The following PIKFYVE variants were observed in gnomAD, a reference collection of about 807,000 sequenced individuals.
PIKFYVE encodes the protein phosphoinositide kinase, FYVE-type zinc finger containing.
Under a neutral mutation model 257.9 loss-of-function variants are expected in PIKFYVE, and 122 were observed. The observed-to-expected ratio is 0.47, with a 90% CI of 0.41 to 0.55. The LOEUF is 0.55. PIKFYVE is among the 20% of genes least tolerant of loss of function. PIKFYVE has a pLI of 0.00. For missense variants in PIKFYVE, 2,160 were observed against 2,536.6 expected (o/e 0.85, Z 3.19); for synonymous variants, 892 against 868.9 (o/e 1.03, Z -0.47).
At chr2:208,342,904 C>T (rs1043188369) in intron 32 of PIKFYVE, among the ~76,000 whole-genome samples, 36 of 149,308 alleles carry the variant, frequency 2.4e-4, no homozygotes, top group Admixed American at 2.0e-3. Flanking sequence ...AAGCAGTTCT[C>T]CTGCCTCAGC....
intron 20 of PIKFYVE, among the ~76,000 whole-genome samples, chr2:208,327,719 T>C (rs978107110): frequency 7.2e-5 from 11 of 152,176 alleles, no homozygotes; most frequent in Non-Finnish European, 1.5e-4. Flanking sequence ...AACTTCTTCA[T>C]ATGCTTCTAT....
chr2:208,348,098 C>T (rs748902847), intron 35 of PIKFYVE, 75 bp downstream of exon 35: 33 of 1,539,254 alleles, frequency 2.1e-5, no homozygotes, highest in Non-Finnish European at 2.8e-5. Flanking sequence ...TTTCTTATAG[C>T]CTTAAATAGA....
Position 208,285,900 on chromosome 2 carries a change from A to T in PIKFYVE, c.788A>T (p.Asn263Ile), listed in dbSNP as rs751066524. ...TPVGSRKASRNIFLEDDLAWQ... is the reference protein window; with the variant it reads ...TPVGSRKASRIIFLEDDLAWQ... The stretch of plus-strand genomic sequence containing the variant: ...GTTGGGAGTAGGAAAGCCAGCCGTA[A>T]CATATTTTTAGAGGATGATTTGGCC... Residue 263 changes from asparagine to isoleucine, a missense_variant, in exon 6 of 42, where the codon AAC becomes ATC. Asn to Ile is a moderately radical substitution (Grantham distance 149, BLOSUM62 -3). Coordinates refer to ENST00000264380, the MANE Select transcript of PIKFYVE (RefSeq NM_015040.4). The T allele has an allele frequency of 3.1e-6, 5 of 1,614,090 alleles. No homozygotes were observed. In the East Asian group the frequency reaches 8.9e-5, roughly 29 times the overall value.
chr2:208,336,183 G>T lies in PIKFYVE; in HGVS notation c.4503G>T (p.Leu1501=), dbSNP rs746104682. 4 of 1,613,884 alleles carry T rather than the reference G, an allele frequency of 2.5e-6. No homozygotes were observed. In the African/African-American group the frequency reaches 5.3e-5, roughly 22 times the overall value. The change falls in exon 27 of 42, where the codon CTG becomes CTT. Residue 1501 remains leucine (L), a synonymous_variant. Coordinates refer to ENST00000264380, the MANE Select transcript of PIKFYVE (RefSeq NM_015040.4). ...AGAAACAAAGTCTCTGTGAAGTGCT[G>T]CAAGCTTGGAATAACAGGTGTGATT... ...IAKKQSLCEV[L]QAWNNRLQDL...
intron 7 of PIKFYVE, among the ~76,000 whole-genome samples, chr2:208,290,113 T>G (rs924528988): frequency 2.6e-5 from 4 of 152,176 alleles, no homozygotes; most frequent in Non-Finnish European, 5.9e-5. Flanking sequence ...TGGACCTACT[T>G]TGACACATGA....
chr2:208,325,116 A>G, intron 19 of PIKFYVE, 79 bp downstream of exon 19: 1 of 1,595,340 alleles, frequency 6.3e-7, no homozygotes. Flanking sequence ...ACTAGGAAAT[A>G]CCTATTAATA....
chr2:208,268,801 CA>C (rs369623017), intron 1 of PIKFYVE, among the ~76,000 whole-genome samples: 19 of 151,788 alleles, frequency 1.3e-4, no homozygotes, highest in African/African-American at 3.9e-4. Flanking sequence ...CTTCCCCCCC[CA>C]ATAAACATGT....
intron 1 of PIKFYVE, among the ~76,000 whole-genome samples, chr2:208,266,799 G>C (rs1291442531): frequency 6.6e-6 from 1 of 152,220 alleles, no homozygotes; most frequent in South Asian, 2.1e-4. Context: ...CCGTAGGCTG[G>C]AAAAGAAAGT....
chr2:208,340,222 G>A, intron 31 of PIKFYVE, 91 bp downstream of exon 31: 1 of 1,477,990 alleles, frequency 6.8e-7, no homozygotes, highest in African/African-American at 1.4e-5. Context: ...TCTGATGCAT[G>A]ATTTTTCAAT....
In PIKFYVE at chr2:208,357,679, C is replaced by G. The variant is rs1700236779; in HGVS notation, c.*2374C>G. 6.6e-6 allele frequency: 1 copy of G among 152,106 alleles called. No homozygotes were observed. The highest frequency in any genetic ancestry group is 2.4e-5 in the African/African-American group (1 of 41,406). The allele number at this position is 152,106 out of a possible 1,614,324, so 9.4% of individuals were successfully genotyped here. On this transcript the variant is annotated 3_prime_UTR_variant, in exon 42 of 42. Coordinates refer to ENST00000264380, the MANE Select transcript of PIKFYVE (RefSeq NM_015040.4). The stretch of plus-strand genomic sequence containing the variant: ...TGAGTGGTAGAACTATATGTCTGGT[C>G]CCTTGCTGCTCTTGTTTAGGCCACT...
chr2:208,274,286 A>G (rs1276474995), intron 3 of PIKFYVE, among the ~76,000 whole-genome samples: 1 of 152,110 alleles, frequency 6.6e-6, no homozygotes. Flanking sequence ...CTTCATTTTC[A>G]TGCTCTTCTG....
In PIKFYVE at chr2:208,288,783, G is replaced by A; in HGVS notation, c.876G>A (p.Val292=). 3 of 1,614,036 alleles carry A rather than the reference G, an allele frequency of 1.9e-6. No homozygotes were observed. Among genetic ancestry groups the A allele is most frequent in the East Asian group, 2.2e-5 (1 of 44,838 alleles). The change falls in exon 7 of 42, where the codon GTG becomes GTA. Residue 292 remains valine (V), a synonymous_variant. Transcript: ENST00000264380. ...NTPLSTRLVS[V]QEDAGKSPAR... Reference sequence around the variant, plus strand: ...CTCTTTCAACAAGACTTGTATCTGTGCAAGAGGATGCTGGGAAATCTCCTG... The same window carrying A: ...CTCTTTCAACAAGACTTGTATCTGTACAAGAGGATGCTGGGAAATCTCCTG...
Position 208,324,062 on chromosome 2 carries a change from C to G in PIKFYVE, c.2191-80C>G, listed in dbSNP as rs151137429. The G allele has an allele frequency of 1.9e-3, 2,810 of 1,491,440 alleles. 46 individuals carry two copies. The African/African-American group carries it at 0.031, about 16-fold the overall frequency. 92.4% of individuals were successfully genotyped at this position (1,491,440 alleles called of 1,614,324 possible). On this transcript the variant is annotated intron_variant, in intron 17 of 41. Coordinates refer to ENST00000264380, the MANE Select transcript of PIKFYVE (RefSeq NM_015040.4). ...AAATTTTCTCCCATTCTGTAGGTTG[C>G]CTGTTCACTCTGATGATATTTTAAT...
intron 1 of PIKFYVE, among the ~76,000 whole-genome samples, chr2:208,270,127 C>T (rs555885135): frequency 1.1e-3 from 160 of 150,560 alleles, no homozygotes; most frequent in Middle Eastern, 6.8e-3. Context: ...CTGTAACCTC[C>T]GCCTCCTGGG....
chr2:208,347,813 T>C, intron 34 of PIKFYVE, 46 bp from the exon 35 acceptor site: 1 of 1,513,584 alleles, frequency 6.6e-7, no homozygotes, highest in Non-Finnish European at 9.1e-7. Context: ...ATTTTTCATC[T>C]GTAGTGACCT....
Position 208,326,285 on chromosome 2 carries a change from AG to A in PIKFYVE, c.3476del (p.Gly1159GlufsTer40). 1 of 1,599,524 alleles carries A rather than the reference AG, an allele frequency of 6.3e-7. No homozygotes were observed. Among genetic ancestry groups the A allele is most frequent in the South Asian group, 1.1e-5 (1 of 88,656 alleles). On this transcript the variant is annotated frameshift_variant, in exon 20 of 42. Coordinates refer to ENST00000264380, the MANE Select transcript of PIKFYVE (RefSeq NM_015040.4). LOFTEE classifies it high-confidence loss of function. ...GAATGCTGGCCGATTATCGAGCCAG[AG>A]GAGGAAGAATTCAGCCCAAAAATTC... ...GRMLADYRAR[G>X]GRIQPKNSDP...
intron 32 of PIKFYVE, among the ~76,000 whole-genome samples, chr2:208,343,351 A>G (rs1381896743): frequency 1.3e-5 from 2 of 152,094 alleles, no homozygotes; most frequent in Non-Finnish European, 2.9e-5. Flanking sequence ...CTACTACCCT[A>G]CATACGAGGT....
chr2:208,314,204 A>T, intron 13 of PIKFYVE, 90 bp from the exon 14 acceptor site: 1 of 1,440,748 alleles, frequency 6.9e-7, no homozygotes, highest in East Asian at 2.3e-5. Context: ...TAAAACATTT[A>T]TAAAGACAAA....
intron 12 of PIKFYVE, among the ~76,000 whole-genome samples, chr2:208,308,089 A>G (rs1470787383): frequency 6.6e-6 from 1 of 152,218 alleles, no homozygotes; most frequent in Non-Finnish European, 1.5e-5. Context: ...TAATGAACAT[A>G]TTCATCATTT....
Sources: allele counts gnomAD v4.1 joint callset (sites outside exome capture counted in the v4.1 genomes callset), GRCh38; gene constraint gnomAD v4.1.1; transcripts MANE v1.5; gene names NCBI Gene and HGNC (gene_info 2026-07-23, HGNC 2026-07-21).